RGS7BP: variants seen among roughly 807,000 people sequenced by gnomAD.
The protein encoded by RGS7BP is regulator of G protein signaling 7-binding protein.
A neutral mutation model predicts 31.3 loss-of-function variants in RGS7BP; 9 were observed. That is an observed-to-expected ratio of 0.29 (90% CI 0.17 to 0.50). The LOEUF (loss-of-function observed/expected upper bound fraction) is 0.50, where lower values mean the gene tolerates loss of function less well. RGS7BP is among the 20% of genes least tolerant of loss of function. The probability of loss-of-function intolerance (pLI) is 0.98; values close to 1 mark genes in which losing one functional copy is unlikely to be tolerated. For missense variants in RGS7BP, 274 were observed against 322.0 expected, an observed-to-expected ratio of 0.85 and a Z score of 1.14; for synonymous variants, 115 against 120.1, an observed-to-expected ratio of 0.96 and a Z score of 0.28.
Position 64,609,282 on chromosome 5 carries a change from A to T in RGS7BP, c.*30A>T, listed in dbSNP as rs759899906. ...CTCCTCCTGGAAACCCACTGAGAAC[A>T]TCTGAAAAAAAATCACAAAACCCGA... On this transcript the variant is annotated 3_prime_UTR_variant, in exon 6 of 6. Coordinates refer to ENST00000334025, the MANE Select transcript of RGS7BP (RefSeq NM_001029875.3). The T allele has an allele frequency of 1.7e-5, 22 of 1,312,724 alleles. No homozygotes were observed. The highest frequency in any genetic ancestry group is 2.0e-5 in the Non-Finnish European group (18 of 905,268). The allele number at this position is 1,312,724 out of a possible 1,614,324, so 81.3% of individuals were successfully genotyped here. A position where few individuals can be genotyped will look rare whatever the true frequency, so the allele number is the denominator to read the frequency against.
rs193257684 is a variant in RGS7BP at position 64,545,397 on chromosome 5, A to G, written c.333-30377A>G. On this transcript the variant is annotated intron_variant, in intron 2 of 5. Coordinates refer to ENST00000334025, the MANE Select transcript of RGS7BP (RefSeq NM_001029875.3). The stretch of plus-strand genomic sequence containing the variant: ...CTGCACGTTGTGCACATGTACCCTA[A>G]AACTTAAAGTGTAATAATTAAAAAA... 3.7e-3 allele frequency among the ~76,000 whole-genome samples: 562 copies of G among 152,180 alleles called. 7 individuals carry two copies. Among genetic ancestry groups the G allele is most frequent in the Middle Eastern group, 0.014 (4 of 294 alleles).
At chr5:64,537,368 C>T (rs1741404268) in intron 2 of RGS7BP, among the ~76,000 whole-genome samples, 2 of 152,056 alleles carry the variant, frequency 1.3e-5, no homozygotes, top group Non-Finnish European at 2.9e-5. Flanking sequence ...AGCCCTTGTC[C>T]GCGGGTTACA....
At chr5:64,577,129 G>T (rs542076665) in intron 3 of RGS7BP, among the ~76,000 whole-genome samples, 16 of 152,188 alleles carry the variant, frequency 1.1e-4, no homozygotes, top group African/African-American at 3.9e-4. Context: ...TAAAGGACAT[G>T]ATGAAGTACT....
chr5:64,583,345 C>T (rs138213841), intron 3 of RGS7BP, among the ~76,000 whole-genome samples: 3 of 152,124 alleles, frequency 2.0e-5, no homozygotes, highest in Admixed American at 6.5e-5. Flanking sequence ...GCCGAGATGA[C>T]GCCACTGCAC....
chr5:64,526,344 T>C (rs1042230678), intron 2 of RGS7BP, among the ~76,000 whole-genome samples: 3 of 152,192 alleles, frequency 2.0e-5, no homozygotes, highest in African/African-American at 7.2e-5. Flanking sequence ...GGGTATATCA[T>C]GGCCCCAAAC....
intron 3 of RGS7BP, among the ~76,000 whole-genome samples, chr5:64,588,207 T>C (rs1244663424): frequency 6.6e-6 from 1 of 152,146 alleles, no homozygotes; most frequent in African/African-American, 2.4e-5. Flanking sequence ...TAAAAATAGA[T>C]GGGTTAATTA....
At chr5:64,539,667 C>T (rs538041751) in intron 2 of RGS7BP, 11 of 152,214 alleles carry the variant, frequency 7.2e-5, no homozygotes, top group African/African-American at 2.4e-4. Flanking sequence ...ACCAGGTTGC[C>T]TAAGGAGGGG....
chr5:64,597,460 T>C (rs1743102380), intron 4 of RGS7BP, among the ~76,000 whole-genome samples: 1 of 151,910 alleles, frequency 6.6e-6, no homozygotes, highest in Non-Finnish European at 1.5e-5. Flanking sequence ...GTTTCATCCA[T>C]TGTAAGGAGC....
At position 64,507,695 on chromosome 5, in the gene RGS7BP, C is replaced by G; in HGVS notation, c.166-16C>G. On this transcript the variant is annotated splice_polypyrimidine_tract_variant and intron_variant, in intron 1 of 5. Transcript: ENST00000334025. Reference sequence around the variant, plus strand: ...GAAATGTTTGGTAAAAAAAAAAAAACTCACTTCTTTTCCAGCTTGTCCAAG... The same window carrying G: ...GAAATGTTTGGTAAAAAAAAAAAAAGTCACTTCTTTTCCAGCTTGTCCAAG... The G allele has an allele frequency of 6.6e-7, 1 of 1,514,456 alleles. No homozygotes were observed. Among genetic ancestry groups the G allele is most frequent in the Non-Finnish European group, 8.9e-7 (1 of 1,123,872 alleles). The allele number at this position is 1,514,456 out of a possible 1,614,324, so 93.8% of individuals were successfully genotyped here.
intron 2 of RGS7BP, among the ~76,000 whole-genome samples, chr5:64,525,828 G>A (rs1020707963): frequency 2.0e-5 from 3 of 152,200 alleles, no homozygotes; most frequent in African/African-American, 7.2e-5. Flanking sequence ...TCTATCACTT[G>A]TAAATGGACA....
intron 2 of RGS7BP, among the ~76,000 whole-genome samples, chr5:64,553,796 T>G (rs1305572437): frequency 6.6e-6 from 1 of 152,088 alleles, no homozygotes. Flanking sequence ...ACAAACAAGA[T>G]AGTTAAGTTG....
At chr5:64,588,655 T>A (rs575955304) in intron 3 of RGS7BP, among the ~76,000 whole-genome samples, 38 of 152,270 alleles carry the variant, frequency 2.5e-4, no homozygotes, top group African/African-American at 9.1e-4. Context: ...GAAACTACAA[T>A]AGGCTAATTT....
At chr5:64,507,024 G>C (rs888879393) in intron 1 of RGS7BP, among the ~76,000 whole-genome samples, 5 of 152,114 alleles carry the variant, frequency 3.3e-5, no homozygotes, top group Non-Finnish European at 7.4e-5. Context: ...GGGGATCAGC[G>C]GCTGTAGGTT....
chr5:64,517,067 G>A (rs1181327134), intron 2 of RGS7BP, among the ~76,000 whole-genome samples: 2 of 150,284 alleles, frequency 1.3e-5, no homozygotes, highest in Non-Finnish European at 2.9e-5. Context: ...AACTGGTACA[G>A]TGGCTCCATG....
At chr5:64,564,559 A>G (rs146273910) in intron 2 of RGS7BP, among the ~76,000 whole-genome samples, 2 of 152,190 alleles carry the variant, frequency 1.3e-5, no homozygotes, top group Non-Finnish European at 2.9e-5. Flanking sequence ...TACACCCTTA[A>G]GTAATTAACA....
intron 2 of RGS7BP, among the ~76,000 whole-genome samples, chr5:64,549,731 C>T (rs1461013375): frequency 2.0e-5 from 3 of 152,190 alleles, no homozygotes; most frequent in Non-Finnish European, 4.4e-5. Flanking sequence ...CAGCCACACC[C>T]TTGGTGTTCT....
chr5:64,544,100 T>A (rs1433082307), intron 2 of RGS7BP, among the ~76,000 whole-genome samples: 2 of 152,200 alleles, frequency 1.3e-5, no homozygotes, highest in African/African-American at 4.8e-5. Context: ...ACTTTAGAAA[T>A]GGTTAACTTA....
At chr5:64,515,853 T>C (rs967417868) in intron 2 of RGS7BP, among the ~76,000 whole-genome samples, 1 of 151,446 alleles carries the variant, frequency 6.6e-6, no homozygotes, top group Admixed American at 6.6e-5. Flanking sequence ...TATTATTTAT[T>C]TTTAGAGATG....
At position 64,611,597 on chromosome 5, in the gene RGS7BP, A is replaced by G. The variant is rs1356568899; in HGVS notation, c.*2345A>G. The G allele has an allele frequency of 1.3e-5, 2 of 152,314 alleles. No homozygotes were observed. Among genetic ancestry groups the G allele is most frequent in the East Asian group, 3.9e-4 (2 of 5,172 alleles). 9.4% of individuals were successfully genotyped at this position (152,314 alleles called of 1,614,324 possible). On this transcript the variant is annotated 3_prime_UTR_variant, in exon 6 of 6. Transcript: ENST00000334025. ...GTCTAATTACCTAGCCAGAGTTTGC[A>G]TATTTAAGGTAATATATTCAGCTAC...
Sources: gnomAD v4.1 joint callset for allele counts (sites outside exome capture counted in the v4.1 genomes callset) on GRCh38, gnomAD v4.1.1 for gene constraint, MANE v1.5 for transcripts, NCBI Gene and HGNC (gene_info 2026-07-23, HGNC 2026-07-21) for gene names.